Variants in GLIS3 observed in about 807,000 individuals in gnomAD.
The protein encoded by GLIS3 is zinc finger protein GLIS3.
In GLIS3, 53 loss-of-function variants were observed where a neutral mutation model predicts 78.6. The ratio of observed to expected loss-of-function variants is 0.67; its 90% CI spans 0.54 to 0.85. The LOEUF (loss-of-function observed/expected upper bound fraction) is 0.85, where lower values mean the gene tolerates loss of function less well. GLIS3 is among the 40% of genes least tolerant of loss of function. The pLI is 0.00. For missense variants in GLIS3, 1,703 were observed against 1,231.1 expected (o/e 1.38, Z -5.74); for synonymous variants, 684 against 509.9 (o/e 1.34, Z -4.60).
At position 3,855,882 on chromosome 9, in the gene GLIS3, G is replaced by T. The variant is rs896047599; in HGVS notation, c.2473+127C>A. ...GCCTATCAAGTGTGAAATTTTAGAG[G>T]CAAGTCATGAAAGCCTAAGCCTGGT... On this transcript the variant is annotated intron_variant, in intron 9 of 10. Coordinates refer to ENST00000381971, the MANE Select transcript of GLIS3 (RefSeq NM_001042413.2). 2.1e-5 allele frequency: 22 copies of T among 1,025,556 alleles called. 1 individual carries two copies. Among genetic ancestry groups the T allele is most frequent in the Middle Eastern group, 4.1e-4 (2 of 4,904 alleles). The allele number at this position is 1,025,556 out of a possible 1,614,324, so 63.5% of individuals were successfully genotyped here. A position where few individuals can be genotyped will look rare whatever the true frequency, so the allele number is the denominator to read the frequency against.
chr9:4,338,409 C>CACACAA (rs796183591), intron 2 of GLIS3, among the ~76,000 whole-genome samples: 81 of 151,006 alleles, frequency 5.4e-4, no homozygotes, highest in African/African-American at 1.8e-3. Context: ...CACACACACA[C>CACACAA]AATTTTTTAA....
chr9:4,273,643 T>A (rs1363839140), intron 2 of GLIS3, among the ~76,000 whole-genome samples: 1 of 140,704 alleles, frequency 7.1e-6, no homozygotes, highest in South Asian at 2.2e-4. Flanking sequence ...AAATGTATTT[T>A]CACATTTATC....
intron 2 of GLIS3, among the ~76,000 whole-genome samples, chr9:4,328,560 C>A (rs1443568600): frequency 6.6e-6 from 1 of 152,226 alleles, no homozygotes; most frequent in African/African-American, 2.4e-5. Flanking sequence ...AGGGGCCAAG[C>A]CCAGAATCCC....
chr9:4,332,482 CACTT>C (rs756840498), intron 2 of GLIS3, among the ~76,000 whole-genome samples: 1 of 152,172 alleles, frequency 6.6e-6, no homozygotes, highest in Non-Finnish European at 1.5e-5. Context: ...TTCACAAAAC[CACTT>C]ACTTTTGTCT....
At chr9:4,042,810 T>C (rs138102414) in intron 4 of GLIS3, among the ~76,000 whole-genome samples, 8 of 152,304 alleles carry the variant, frequency 5.3e-5, no homozygotes, top group African/African-American at 1.7e-4. Flanking sequence ...AGGGCTTTCT[T>C]GATTTAATAC....
rs57166843 is a variant in GLIS3, at chr9:3,824,935, A to T, written c.*3337T>A. The T allele has an allele frequency of 6.3e-4, 26 of 41,494 alleles. No homozygotes were observed. The East Asian group carries it at 6.9e-3, about 11-fold the overall frequency. 2.6% of individuals were successfully genotyped at this position (41,494 alleles called of 1,614,324 possible). A position where few individuals can be genotyped will look rare whatever the true frequency, so the allele number is the denominator to read the frequency against. On this transcript the variant is annotated 3_prime_UTR_variant, in exon 11 of 11. Coordinates refer to ENST00000381971, the MANE Select transcript of GLIS3 (RefSeq NM_001042413.2). ...TCATCTGTTGCAAAAAAAAAAAAAA[A>T]TAATAACCGCAGAAATTCCACACCA... is the stretch of plus-strand genomic sequence containing the variant.
intron 2 of GLIS3, among the ~76,000 whole-genome samples, chr9:4,230,844 C>T (rs1822192691): frequency 6.6e-6 from 1 of 152,156 alleles, no homozygotes; most frequent in Non-Finnish European, 1.5e-5. Context: ...AGCCAAATCC[C>T]CCATCCAATT....
intron 2 of GLIS3, among the ~76,000 whole-genome samples, chr9:4,248,695 A>G (rs112655923): frequency 2.4e-4 from 37 of 152,090 alleles, no homozygotes; most frequent in African/African-American, 8.9e-4. Flanking sequence ...ACTAATTTAC[A>G]CTCCCACCAA....
chr9:3,836,856 G>A (rs764592716), intron 9 of GLIS3, among the ~76,000 whole-genome samples: 5 of 152,166 alleles, frequency 3.3e-5, no homozygotes, highest in African/African-American at 7.2e-5. Context: ...TCTGCTGTTC[G>A]TCTTCTTCTT....
chr9:4,228,893 G>A (rs1002835817), intron 2 of GLIS3, among the ~76,000 whole-genome samples: 1 of 152,162 alleles, frequency 6.6e-6, no homozygotes, highest in African/African-American at 2.4e-5. Flanking sequence ...AGAAGGGCCA[G>A]AGAAAGAGGG....
the GLIS3 span, among the ~76,000 whole-genome samples, chr9:4,369,775 T>C: frequency 6.6e-6 from 1 of 152,098 alleles, no homozygotes; most frequent in African/African-American, 2.4e-5. Context: ...AACCATGAAC[T>C]AGATCTAAAA....
At chr9:4,316,837 C>T (rs10814927) in intron 2 of GLIS3, among the ~76,000 whole-genome samples, 88 of 151,968 alleles carry the variant, frequency 5.8e-4, no homozygotes, top group Non-Finnish European at 8.8e-4. Flanking sequence ...AATTTATTTC[C>T]GTGTTTAATA....
the GLIS3 span, among the ~76,000 whole-genome samples, chr9:4,373,027 G>A: frequency 6.6e-6 from 1 of 152,164 alleles, no homozygotes; most frequent in Non-Finnish European, 1.5e-5. Flanking sequence ...GTACCATAAA[G>A]AAAAACACAA....
At chr9:4,417,653 A>T in the GLIS3 span, among the ~76,000 whole-genome samples, 25 of 152,326 alleles carry the variant, frequency 1.6e-4, no homozygotes, top group Middle Eastern at 3.4e-3. Context: ...TGAAATTGCT[A>T]GGTCAAAAAA....
chr9:4,413,449 C>T, the GLIS3 span, among the ~76,000 whole-genome samples: 89,468 of 151,984 alleles, frequency 0.59, 27,112 homozygotes, highest in African/African-American at 0.71. Flanking sequence ...GTACTTGCCT[C>T]CTAAGCCTGC....
the GLIS3 span, among the ~76,000 whole-genome samples, chr9:4,374,690 G>C: frequency 2.0e-5 from 3 of 152,198 alleles, no homozygotes; most frequent in Non-Finnish European, 2.9e-5. Context: ...TGGCAGCAAA[G>C]CCCTCTCATC....
chr9:4,444,596 G>C, the GLIS3 span, among the ~76,000 whole-genome samples: 1 of 152,184 alleles, frequency 6.6e-6, no homozygotes, highest in Non-Finnish European at 1.5e-5. Context: ...CGCAGGTCTG[G>C]TAATCTGATA....
At chr9:3,902,435 A>G (rs1378323) in intron 6 of GLIS3, among the ~76,000 whole-genome samples, 22,466 of 152,182 alleles carry the variant, frequency 0.15, 1,986 homozygotes, top group Non-Finnish European at 0.2. Context: ...GTGTCTTTCA[A>G]TGTAACATAG....
intron 8 of GLIS3, among the ~76,000 whole-genome samples, chr9:3,860,294 A>AAAAC (rs1820114612): frequency 1.4e-5 from 2 of 138,844 alleles, no homozygotes; most frequent in African/African-American, 5.1e-5. Context: ...AAAAAAAAAA[A>AAAAC]AAAAAAAAAC....
Sources: gnomAD v4.1 joint callset for allele counts (sites outside exome capture counted in the v4.1 genomes callset) on GRCh38, gnomAD v4.1.1 for gene constraint, MANE v1.5 for transcripts, NCBI Gene and HGNC (gene_info 2026-07-23, HGNC 2026-07-21) for gene names.